The following RASAL2 variants were observed in gnomAD, a reference collection of about 807,000 sequenced individuals.
The protein encoded by RASAL2 is RAS protein activator like 2, also known as ras GTPase-activating protein nGAP.
A neutral mutation model predicts 128.9 loss-of-function variants in RASAL2; 58 were observed. That is an observed-to-expected ratio of 0.45 (90% CI 0.36 to 0.56). The LOEUF (loss-of-function observed/expected upper bound fraction) is 0.56. Among genes scored for constraint, RASAL2 ranks in the 20% least tolerant of loss-of-function variants. The probability of loss-of-function intolerance (pLI) is 0.00; values close to 1 mark genes in which losing one functional copy is unlikely to be tolerated. For synonymous variants in RASAL2, 561 were observed against 580.8 expected (o/e 0.97, Z 0.49); for missense variants, 1,360 against 1,601.6 (o/e 0.85, Z 2.57).
intron 1 of RASAL2, among the ~76,000 whole-genome samples, chr1:178,208,303 G>A (rs778207626): frequency 3.3e-5 from 5 of 152,094 alleles, no homozygotes; most frequent in Non-Finnish European, 5.9e-5. Context: ...GAGAGACATC[G>A]CTAAATTCTT....
intron 3 of RASAL2, among the ~76,000 whole-genome samples, chr1:178,304,280 T>C (rs1344438676): frequency 2.6e-5 from 4 of 151,992 alleles, no homozygotes; most frequent in Admixed American, 2.6e-4. Flanking sequence ...TCCCAGCACT[T>C]TGGGAGGCTG....
chr1:178,431,403 A>G (rs1045311951), intron 5 of RASAL2, among the ~76,000 whole-genome samples: 7 of 152,066 alleles, frequency 4.6e-5, no homozygotes, highest in African/African-American at 1.7e-4. Context: ...ACCATTTTTT[A>G]CCAATTAAAC....
chr1:178,344,412 C>T (rs1419418626), intron 3 of RASAL2, among the ~76,000 whole-genome samples: 1 of 152,130 alleles, frequency 6.6e-6, no homozygotes, highest in African/African-American at 2.4e-5. Flanking sequence ...GGAGCAGGGA[C>T]TTGAAGCTGG....
intron 3 of RASAL2, among the ~76,000 whole-genome samples, chr1:178,343,570 C>A (rs907367817): frequency 6.6e-6 from 1 of 151,990 alleles, no homozygotes; most frequent in Admixed American, 6.6e-5. Context: ...TAAAATGGGC[C>A]TTTGGCCTGA....
At chr1:178,472,654 A>G (rs907587256) in intron 17 of RASAL2, among the ~76,000 whole-genome samples, 3 of 152,204 alleles carry the variant, frequency 2.0e-5, no homozygotes, top group Non-Finnish European at 2.9e-5. Context: ...CATAGATCAC[A>G]TGCTCTTCTC....
chr1:178,425,879 A>G (rs560627931), intron 5 of RASAL2, among the ~76,000 whole-genome samples: 3 of 152,172 alleles, frequency 2.0e-5, no homozygotes, highest in Non-Finnish European at 4.4e-5. Context: ...GGTGGGCCCA[A>G]TAATATAGGA....
chr1:178,340,200 G>A (rs916932258), intron 3 of RASAL2, among the ~76,000 whole-genome samples: 1 of 152,128 alleles, frequency 6.6e-6, no homozygotes, highest in Non-Finnish European at 1.5e-5. Flanking sequence ...GTAGATAGAT[G>A]ATAGATACAG....
chr1:178,170,478 A>G (rs185771152), intron 1 of RASAL2, among the ~76,000 whole-genome samples: 56 of 151,940 alleles, frequency 3.7e-4, no homozygotes, highest in Non-Finnish European at 7.4e-4. Context: ...GTAATTGGAA[A>G]CAGAATTTTT....
chr1:178,318,913 A>T (rs1668619630), intron 3 of RASAL2, among the ~76,000 whole-genome samples: 1 of 151,614 alleles, frequency 6.6e-6, no homozygotes, highest in East Asian at 1.9e-4. Context: ...TTTTGGCATG[A>T]TTTTGCAGCG....
rs138265010 is a variant in RASAL2 at position 178,227,631 on chromosome 1, A to G, written c.203-55933A>G. Among the ~76,000 whole-genome samples the G allele has an allele frequency of 1.7e-4, 26 of 152,272 alleles. No homozygotes were observed. In the East Asian group the frequency reaches 4.8e-3, roughly 28 times the overall value. On this transcript the variant is annotated intron_variant, in intron 1 of 17. Coordinates refer to ENST00000367649, the MANE Select transcript of RASAL2 (RefSeq NM_170692.4). ...CTCTAGTCCTAATATAGTGCCTGAT[A>G]GGTAGGTGCTCAATAACTATTTGAA...
intron 1 of RASAL2, among the ~76,000 whole-genome samples, chr1:178,244,608 T>G (rs1664683748): frequency 6.6e-6 from 1 of 152,238 alleles, no homozygotes; most frequent in African/African-American, 2.4e-5. Context: ...GTGCTTAATG[T>G]GCAGGTTTGT....
intron 1 of RASAL2, among the ~76,000 whole-genome samples, chr1:178,150,079 G>A (rs1660862670): frequency 6.6e-6 from 1 of 152,092 alleles, no homozygotes; most frequent in African/African-American, 2.4e-5. Context: ...CATTAGATAA[G>A]CTTGATTATG....
chr1:178,249,247 C>T (rs12406333), intron 1 of RASAL2, among the ~76,000 whole-genome samples: 48,195 of 151,482 alleles, frequency 0.32, 9,405 homozygotes, highest in East Asian at 0.53. Flanking sequence ...CCTTTTCATT[C>T]TTTTTTCTCT....
At chr1:178,139,790 A>T (rs922494417) in intron 1 of RASAL2, among the ~76,000 whole-genome samples, 1 of 151,988 alleles carries the variant, frequency 6.6e-6, no homozygotes, top group Non-Finnish European at 1.5e-5. Context: ...TTATCTAAAC[A>T]CCCTATTACC....
Position 178,445,624 on chromosome 1 carries a change from T to G in RASAL2, c.1589T>G (p.Leu530Arg). 6.2e-7 allele frequency: 1 copy of G among 1,613,732 alleles called. No individual in the cohort carries two copies. The highest frequency in any genetic ancestry group is 8.5e-7 in the Non-Finnish European group (1 of 1,179,754). ...GCCACCAAATCCATTGAGGAATACC[T>G]CAAGTTGGTGGGACAACAGTATCTT... ...TIATKSIEEYLKLVGQQYLHD... is the reference protein window; with the variant it reads ...TIATKSIEEYRKLVGQQYLHD... Residue 530 changes from leucine to arginine, a missense_variant, in exon 9 of 18, where the codon CTC becomes CGC. Transcript: ENST00000367649.
At chr1:178,129,093 G>A (rs1428485962) in intron 1 of RASAL2, among the ~76,000 whole-genome samples, 1 of 151,862 alleles carries the variant, frequency 6.6e-6, no homozygotes, top group African/African-American at 2.4e-5. Flanking sequence ...GTTCTCTTTG[G>A]CATATACCTA....
At chr1:178,413,254 C>G (rs1297471220) in intron 4 of RASAL2, among the ~76,000 whole-genome samples, 1 of 152,220 alleles carries the variant, frequency 6.6e-6, no homozygotes, top group Non-Finnish European at 1.5e-5. Context: ...GCCACCACAC[C>G]TGGCCCGTTC....
intron 3 of RASAL2, among the ~76,000 whole-genome samples, chr1:178,370,507 T>A (rs1671640197): frequency 6.6e-6 from 1 of 152,246 alleles, no homozygotes; most frequent in Non-Finnish European, 1.5e-5. Flanking sequence ...TAATAGAAAC[T>A]CATTTAAACA....
chr1:178,441,596 TGA>T lies in RASAL2; in HGVS notation c.883_884del (p.Asp295GlnfsTer13). 1 of 1,612,820 alleles carries T rather than the reference TGA, an allele frequency of 6.2e-7. No individual in the cohort carries two copies. The highest frequency in any genetic ancestry group is 8.5e-7 in the Non-Finnish European group (1 of 1,179,202). On this transcript the variant is annotated frameshift_variant, in exon 7 of 18. Coordinates refer to ENST00000367649, the MANE Select transcript of RASAL2 (RefSeq NM_170692.4). LOFTEE classifies it high-confidence loss of function. ...AATGCTTCAGCTGTAATTCTGCTTC[TGA>T]GAGAGACAAGTGGATGGAAAACCTT... ...SKCFSCNSAS[E>X]RDKWMENLRR... is the part of the protein sequence containing the mutation.
Sources: allele counts gnomAD v4.1 joint callset (sites outside exome capture counted in the v4.1 genomes callset), GRCh38; gene constraint gnomAD v4.1.1; transcripts MANE v1.5; gene names NCBI Gene and HGNC (gene_info 2026-07-23, HGNC 2026-07-21).